EPHA5: variants seen among roughly 807,000 people sequenced by gnomAD.
The protein encoded by EPHA5 is ephrin type-A receptor 5.
Under a neutral mutation model 105.0 loss-of-function variants are expected in EPHA5, and 60 were observed. That is an observed-to-expected ratio of 0.57 (90% CI 0.46 to 0.71). The LOEUF is 0.71. EPHA5 is among the 30% of genes least tolerant of loss of function. The pLI is 0.00. For missense variants in EPHA5, 1,218 were observed against 1,274.7 expected, an observed-to-expected ratio of 0.96 and a Z score of 0.68; for synonymous variants, 513 against 449.1, an observed-to-expected ratio of 1.14 and a Z score of -1.80.
At chr4:65,484,291 C>T (rs1166673928) in intron 5 of EPHA5, among the ~76,000 whole-genome samples, 1 of 152,132 alleles carries the variant, frequency 6.6e-6, no homozygotes, top group African/African-American at 2.4e-5. Flanking sequence ...TGTGGGAACA[C>T]TGATCATTTC....
At chr4:65,589,191 A>C (rs1259791451) in intron 3 of EPHA5, among the ~76,000 whole-genome samples, 1 of 152,148 alleles carries the variant, frequency 6.6e-6, no homozygotes, top group Non-Finnish European at 1.5e-5. Context: ...GTATGAAGGA[A>C]ATCCAACTAA....
chr4:65,476,125 AGAGT>A (rs1377902701), intron 5 of EPHA5, among the ~76,000 whole-genome samples: 130 of 132,322 alleles, frequency 9.8e-4, no homozygotes, highest in South Asian at 4.1e-3. Flanking sequence ...AGAGAGAGAG[AGAGT>A]GTGTGTGTGT....
intron 5 of EPHA5, among the ~76,000 whole-genome samples, chr4:65,428,029 TAGAC>T (rs1195998382): frequency 6.6e-6 from 1 of 152,198 alleles, no homozygotes; most frequent in Admixed American, 6.5e-5. Flanking sequence ...ACACATCACA[TAGAC>T]ATACATACAT....
At chr4:65,647,642 C>T (rs1218859402) in intron 1 of EPHA5, among the ~76,000 whole-genome samples, 3 of 152,040 alleles carry the variant, frequency 2.0e-5, no homozygotes, top group African/African-American at 7.2e-5. Flanking sequence ...CTCTAGAAGA[C>T]ATTAGATATC....
rs1036131586 is a variant in EPHA5, at chr4:65,565,691, TA to T, written c.910+35949del. Among the ~76,000 whole-genome samples the T allele has an allele frequency of 4.4e-4, 64 of 146,192 alleles. No individual in the cohort carries two copies. In the South Asian group the frequency reaches 0.01, roughly 24 times the overall value. On this transcript the variant is annotated intron_variant, in intron 3 of 16. Transcript: ENST00000613740. ...AAGAATAGCAGACAAAAATAGCCAT[TA>T]AAAAAAAAAGATAATCTGTAAAGCT...
At chr4:65,329,698 A>G (rs1720408676) in intron 16 of EPHA5, among the ~76,000 whole-genome samples, 1 of 151,174 alleles carries the variant, frequency 6.6e-6, no homozygotes, top group Non-Finnish European at 1.5e-5. Context: ...ATACTTAGGT[A>G]TGGGGTAAAG....
intron 16 of EPHA5, among the ~76,000 whole-genome samples, chr4:65,327,151 C>A (rs1318035804): frequency 6.6e-6 from 1 of 151,146 alleles, no homozygotes; most frequent in Non-Finnish European, 1.5e-5. Flanking sequence ...ATAACTATAT[C>A]ATACTAAAGA....
intron 4 of EPHA5, among the ~76,000 whole-genome samples, chr4:65,493,202 C>T (rs1214826596): frequency 6.6e-6 from 1 of 151,916 alleles, no homozygotes; most frequent in African/African-American, 2.4e-5. Flanking sequence ...CGAACTAACA[C>T]GCACCTACAA....
At position 65,340,825 on chromosome 4, in the gene EPHA5, A is replaced by T. The variant is rs150780811; in HGVS notation, c.2596-4700T>A. 5.2e-4 allele frequency among the ~76,000 whole-genome samples: 79 copies of T among 152,286 alleles called. 1 individual carries two copies. In the East Asian group the frequency reaches 0.013, roughly 25 times the overall value. On this transcript the variant is annotated intron_variant, in intron 14 of 16. Coordinates refer to ENST00000613740, the MANE Select transcript of EPHA5 (RefSeq NM_001281766.3). Reference sequence around the variant, plus strand: ...TCAACTGCAGAGATAGTAATTGGCCAACAACACTAGCTGCTGTGCTGTAAA... The same window carrying T: ...TCAACTGCAGAGATAGTAATTGGCCTACAACACTAGCTGCTGTGCTGTAAA...
At chr4:65,524,766 T>G (rs1735073712) in intron 3 of EPHA5, among the ~76,000 whole-genome samples, 1 of 151,738 alleles carries the variant, frequency 6.6e-6, no homozygotes, top group African/African-American at 2.4e-5. Flanking sequence ...AATGAAGAAG[T>G]TTTTAGAGTA....
At chr4:65,390,588 A>G (rs62312554) in intron 8 of EPHA5, among the ~76,000 whole-genome samples, 2 of 152,052 alleles carry the variant, frequency 1.3e-5, no homozygotes, top group African/African-American at 4.8e-5. Context: ...ACAGGGCAAG[A>G]ACTCAACAAA....
At chr4:65,468,561 ATATAT>A (rs1325991429) in intron 5 of EPHA5, among the ~76,000 whole-genome samples, 5 of 52,386 alleles carry the variant, frequency 9.5e-5, no homozygotes, top group East Asian at 1.4e-3. Flanking sequence ...TATATATATT[ATATAT>A]TATATATATA....
chr4:65,596,102 T>A (rs1477904203), intron 3 of EPHA5, among the ~76,000 whole-genome samples: 3 of 152,202 alleles, frequency 2.0e-5, no homozygotes, highest in African/African-American at 7.2e-5. Context: ...AACATGTACA[T>A]CTCCTTCATT....
At chr4:65,404,970 C>A (rs1043155805) in intron 7 of EPHA5, among the ~76,000 whole-genome samples, 1 of 151,998 alleles carries the variant, frequency 6.6e-6, no homozygotes, top group African/African-American at 2.4e-5. Flanking sequence ...ACTATGACCT[C>A]ATTGAAGTAA....
At chr4:65,476,127 A>AGAGAGAGAGTGTGTGT (rs1425495059) in intron 5 of EPHA5, among the ~76,000 whole-genome samples, 2 of 119,106 alleles carry the variant, frequency 1.7e-5, no homozygotes, top group African/African-American at 6.2e-5. Context: ...AGAGAGAGAG[A>AGAGAGAGAGTGTGTGT]GTGTGTGTGT....
intron 1 of EPHA5, among the ~76,000 whole-genome samples, chr4:65,651,694 A>T (rs1748624333): frequency 6.6e-6 from 1 of 152,320 alleles, no homozygotes; most frequent in Admixed American, 6.5e-5. Context: ...CACCACAAAG[A>T]TGTTATAGAC....
At chr4:65,440,008 A>G (rs1044466002) in intron 5 of EPHA5, among the ~76,000 whole-genome samples, 2 of 152,136 alleles carry the variant, frequency 1.3e-5, no homozygotes, top group Non-Finnish European at 2.9e-5. Flanking sequence ...CCTAATTATC[A>G]GAAAATAAAT....
At chr4:65,479,784 T>G (rs75260069) in intron 5 of EPHA5, among the ~76,000 whole-genome samples, 16,920 of 152,064 alleles carry the variant, frequency 0.11, 1,262 homozygotes, top group East Asian at 0.21. Context: ...CATGATTATG[T>G]AGAAAAAATT....
intron 3 of EPHA5, among the ~76,000 whole-genome samples, chr4:65,519,402 T>C (rs913996252): frequency 2.0e-5 from 3 of 151,824 alleles, no homozygotes; most frequent in African/African-American, 7.3e-5. Flanking sequence ...CTATCTATGA[T>C]AAACCCACAG....
Sources: gnomAD v4.1 joint callset for allele counts (sites outside exome capture counted in the v4.1 genomes callset) on GRCh38, gnomAD v4.1.1 for gene constraint, MANE v1.5 for transcripts, NCBI Gene and HGNC (gene_info 2026-07-23, HGNC 2026-07-21) for gene names.